FLT1: variants seen among roughly 807,000 people sequenced by gnomAD.
FLT1 encodes fms related receptor tyrosine kinase 1.
A neutral mutation model predicts 156.3 loss-of-function variants in FLT1; 49 were observed. The ratio of observed to expected loss-of-function variants is 0.31; its 90% CI spans 0.25 to 0.40. The LOEUF is 0.40. FLT1 is among the 10% of genes least tolerant of loss of function. The pLI, the probability that FLT1 is intolerant of heterozygous loss-of-function variation, is 1.00. For synonymous variants in FLT1, 594 were observed against 583.8 expected (o/e 1.02, Z -0.25); for missense variants, 1,322 against 1,637.2 (o/e 0.81, Z 3.32).
chr13:28,481,442 TACACACAC>T lies in FLT1; in HGVS notation c.64+13330_64+13337del, dbSNP rs397687323. Reference sequence around the variant, plus strand: ...TATTTCTCCTAACCTCCTCCGCTTATACACACACACACACACACACACACACACACACA... The same window carrying T: ...TATTTCTCCTAACCTCCTCCGCTTATACACACACACACACACACACACACA... On this transcript the variant is annotated intron_variant, in intron 1 of 29. Coordinates refer to ENST00000282397, the MANE Select transcript of FLT1 (RefSeq NM_002019.4). Among the ~76,000 whole-genome samples, 7 of 142,648 alleles carry T rather than the reference TACACACAC, an allele frequency of 4.9e-5. 1 individual carries two copies. The South Asian group carries it at 9.2e-4, about 19-fold the overall frequency. 93.6% of individuals were successfully genotyped at this position (142,648 alleles called of 152,430 possible). A position where few individuals can be genotyped will look rare whatever the true frequency, so the allele number is the denominator to read the frequency against.
At chr13:28,411,673 G>T (rs1369242293) in intron 10 of FLT1, among the ~76,000 whole-genome samples, 1 of 151,904 alleles carries the variant, frequency 6.6e-6, no homozygotes, top group Admixed American at 6.6e-5. Context: ...GATGAAGCTG[G>T]CCTGTTTTAT....
chr13:28,434,338 T>C, intron 4 of FLT1, 118 bp from the exon 5 acceptor site: 1 of 995,688 alleles, frequency 1.0e-6, no homozygotes, highest in Non-Finnish European at 1.5e-6. Context: ...TAAAACTTTG[T>C]AGTTTGCTTA....
At chr13:28,394,648 C>T (rs186476849) in intron 12 of FLT1, among the ~76,000 whole-genome samples, 147 of 152,214 alleles carry the variant, frequency 9.7e-4, no homozygotes, top group African/African-American at 3.2e-3. Context: ...CTTAGCACAT[C>T]CTCTTCCAGT....
intron 13 of FLT1, chr13:28,386,444 T>TA (rs1399659399): frequency 3.8e-6 from 4 of 1,043,554 alleles, no homozygotes; most frequent in African/African-American, 1.7e-5. Context: ...TCTCATTTTA[T>TA]AAAAAATGAA....
rs1566023070 is a variant in FLT1 at position 28,430,140 on chromosome 13, CGAT to C, written c.1013_1015del (p.His338del). 6.2e-7 allele frequency: 1 copy of C among 1,613,374 alleles called. No homozygotes were observed. Among genetic ancestry groups the C allele is most frequent in the South Asian group, 1.1e-5 (1 of 91,066 alleles). On this transcript the variant is annotated inframe_deletion, in exon 8 of 30. Transcript: ENST00000282397. ...TACGGTTTCAAGCACCTGCTGTTTT[CGAT>C]GTTTCACAGTGATGAATGCTTTATC...
chr13:28,303,494 C>CG (rs1188008457), intron 29 of FLT1, 126 bp from the exon 30 acceptor site: 36 of 754,386 alleles, frequency 4.8e-5, no homozygotes, highest in South Asian at 4.6e-4. Flanking sequence ...GTTTTGGAAC[C>CG]CCCCCCCCCT....
At chr13:28,428,364 G>C (rs1170671775) in intron 8 of FLT1, among the ~76,000 whole-genome samples, 1 of 152,012 alleles carries the variant, frequency 6.6e-6, no homozygotes, top group African/African-American at 2.4e-5. Flanking sequence ...GTGGTCTCAT[G>C]TGGAGTTCTT....
chr13:28,372,130 G>A (rs1399384306), intron 14 of FLT1, among the ~76,000 whole-genome samples: 1 of 123,944 alleles, frequency 8.1e-6, no homozygotes, highest in Admixed American at 9.5e-5. Flanking sequence ...TTCCCAAGCT[G>A]AACTGCAGTG....
At chr13:28,444,458 A>C (rs994377847) in intron 3 of FLT1, among the ~76,000 whole-genome samples, 4 of 152,172 alleles carry the variant, frequency 2.6e-5, no homozygotes, top group African/African-American at 9.7e-5. Context: ...AAGTGGATAG[A>C]AGAACTGGAC....
At chr13:28,434,755 C>T (rs1034970737) in intron 4 of FLT1, among the ~76,000 whole-genome samples, 1 of 152,142 alleles carries the variant, frequency 6.6e-6, no homozygotes, top group Non-Finnish European at 1.5e-5. Context: ...TTGTGGCAGG[C>T]GCCTGTAATC....
chr13:28,430,043 G>T lies in FLT1; in HGVS notation c.1106+7C>A. 6.5e-7 allele frequency: 1 copy of T among 1,549,618 alleles called. No homozygotes were observed. The highest frequency in any genetic ancestry group is 8.9e-7 in the Non-Finnish European group (1 of 1,121,212). ...TTAAACTGTTATGGAAATAAGGATGGTCCTACCATACAACTTCCGGCGAGG... is the reference window on the plus strand; with the variant it reads ...TTAAACTGTTATGGAAATAAGGATGTTCCTACCATACAACTTCCGGCGAGG... On this transcript the variant is annotated splice_region_variant and intron_variant, in intron 8 of 29. Transcript: ENST00000282397.
At chr13:28,490,208 C>G (rs978978753) in intron 1 of FLT1, among the ~76,000 whole-genome samples, 1 of 152,172 alleles carries the variant, frequency 6.6e-6, no homozygotes, top group Non-Finnish European at 1.5e-5. Context: ...CTAGCTCTTA[C>G]AACGTGTGTG....
At chr13:28,384,504 T>A (rs1460846270) in intron 14 of FLT1, among the ~76,000 whole-genome samples, 2 of 151,930 alleles carry the variant, frequency 1.3e-5, no homozygotes, top group Non-Finnish European at 2.9e-5. Flanking sequence ...TCTACTTTTC[T>A]GAACTTCACA....
intron 3 of FLT1, among the ~76,000 whole-genome samples, chr13:28,459,346 T>A (rs1879437065): frequency 6.6e-6 from 1 of 152,236 alleles, no homozygotes; most frequent in African/African-American, 2.4e-5. Context: ...CAAGCGACTC[T>A]ATGGTGGGAA....
At chr13:28,332,627 G>A (rs543044519) in intron 18 of FLT1, among the ~76,000 whole-genome samples, 34 of 152,296 alleles carry the variant, frequency 2.2e-4, no homozygotes, top group African/African-American at 7.9e-4. Context: ...AAAGAGCACT[G>A]CATTCAAAGC....
intron 1 of FLT1, among the ~76,000 whole-genome samples, chr13:28,470,089 G>A (rs994590999): frequency 7.2e-5 from 11 of 152,004 alleles, no homozygotes; most frequent in Admixed American, 1.3e-4. Flanking sequence ...AGTAGATCCC[G>A]GTATCAAAGT....
chr13:28,357,507 A>G (rs1259031677), intron 15 of FLT1, 47 bp downstream of exon 15: 2 of 1,604,346 alleles, frequency 1.2e-6, no homozygotes, highest in Non-Finnish European at 1.7e-6. Context: ...AAACAGGGAA[A>G]TAGATGTCTG....
At position 28,303,502 on chromosome 13, in the gene FLT1, C is replaced by A. The variant is rs534908548; in HGVS notation, c.3816-134G>T. The A allele has an allele frequency of 1.0e-5, 8 of 771,450 alleles. No homozygotes were observed. In the African/African-American group the frequency reaches 1.2e-4, roughly 12 times the overall value. The allele number at this position is 771,450 out of a possible 1,614,324, so 47.8% of individuals were successfully genotyped here. ...GTTCATGGTTTTGGAACCCCCCCCC[C>A]CTCAATTGCTGTCAGATTTCCTCTG... is the stretch of plus-strand genomic sequence containing the variant. On this transcript the variant is annotated intron_variant, in intron 29 of 29. Coordinates refer to ENST00000282397, the MANE Select transcript of FLT1 (RefSeq NM_002019.4).
intron 16 of FLT1, among the ~76,000 whole-genome samples, chr13:28,343,864 G>C (rs571448418): frequency 6.6e-6 from 1 of 150,832 alleles, no homozygotes; most frequent in Non-Finnish European, 1.5e-5. Flanking sequence ...CGATGGTCTC[G>C]ATCTCCTGAT....
Sources: allele counts gnomAD v4.1 joint callset (sites outside exome capture counted in the v4.1 genomes callset), GRCh38; gene constraint gnomAD v4.1.1; transcripts MANE v1.5; gene names NCBI Gene and HGNC (gene_info 2026-07-23, HGNC 2026-07-21).